PCDHGA10: variants seen among roughly 807,000 people sequenced by gnomAD.
PCDHGA10 encodes protocadherin gamma-A10.
PCDHGA10 carries 42 observed loss-of-function variants against 59.5 expected under a neutral mutation model. The ratio of observed to expected loss-of-function variants is 0.71; its 90% CI spans 0.55 to 0.91. The LOEUF is 0.91. Ranked by LOEUF, PCDHGA10 falls within the 40% of genes least tolerant of loss-of-function variation. The pLI, the probability that PCDHGA10 is intolerant of heterozygous loss-of-function variation, is 0.00. For missense variants in PCDHGA10, 1,111 were observed against 1,198.2 expected (o/e 0.93, Z 1.07); for synonymous variants, 511 against 517.2 (o/e 0.99, Z 0.16).
In PCDHGA10 at chr5:141,418,490, G is replaced by A. The variant is rs1473964718; in HGVS notation, c.2436+2879G>A. On this transcript the variant is annotated intron_variant, in intron 1 of 3. Coordinates refer to ENST00000398610, the MANE Select transcript of PCDHGA10 (RefSeq NM_018913.3). Reference sequence around the variant, plus strand: ...AGAAACGCAGAGCGCTCACCACTTGGTACTGACCGCCTTAGATGGTGGGGA... The same window carrying A: ...AGAAACGCAGAGCGCTCACCACTTGATACTGACCGCCTTAGATGGTGGGGA... 5.6e-6 allele frequency: 9 copies of A among 1,613,996 alleles called. No homozygotes were observed. In the East Asian group the frequency reaches 1.6e-4, roughly 28 times the overall value.
chr5:141,427,928 G>A (rs1178662640), intron 1 of PCDHGA10: 2 of 1,583,504 alleles, frequency 1.3e-6, no homozygotes. Flanking sequence ...GCCGGCGCAT[G>A]TTGGTGGGCG....
chr5:141,431,256 C>T lies in PCDHGA10; in HGVS notation c.2436+15645C>T. The stretch of plus-strand genomic sequence containing the variant: ...TGGGATCCGGATATCGGGAAGAACT[C>T]TCTGCAGAGCTACGAGCTCAGCCCG... On this transcript the variant is annotated intron_variant, in intron 1 of 3. Transcript: ENST00000398610. This position sits in a 1 kb window ranked among gnomAD's most constrained non-coding sequence, Gnocchi z 4.8. The T allele has an allele frequency of 6.2e-7, 1 of 1,614,194 alleles. No homozygotes were observed. Among genetic ancestry groups the T allele is most frequent in the South Asian group, 1.1e-5 (1 of 91,088 alleles).
At chr5:141,420,945 G>C in intron 1 of PCDHGA10, 1 of 396,520 alleles carries the variant, frequency 2.5e-6, no homozygotes, top group South Asian at 5.1e-5. Flanking sequence ...ATTTCTTCTG[G>C]AATTTCTTAG....
At position 141,476,290 on chromosome 5, in the gene PCDHGA10, C is replaced by T. The variant is rs768208156; in HGVS notation, c.2437-18517C>T. ...TGGTCGCGAACCTTGGTTTGGATCT[C>T]GGTAGCCTCTCAGCCCGCAGGTTCC... On this transcript the variant is annotated intron_variant, in intron 1 of 3. Coordinates refer to ENST00000398610, the MANE Select transcript of PCDHGA10 (RefSeq NM_018913.3). The surrounding 1 kb of genome is among the most constrained non-coding windows in gnomAD (Gnocchi z 7.6). 1.7e-5 allele frequency: 27 copies of T among 1,613,932 alleles called. No individual in the cohort carries two copies. Among genetic ancestry groups the T allele is most frequent in the Non-Finnish European group, 2.3e-5 (27 of 1,180,018 alleles).
chr5:141,480,946 G>A (rs1415705408), intron 1 of PCDHGA10, among the ~76,000 whole-genome samples: 1 of 152,172 alleles, frequency 6.6e-6, no homozygotes, highest in Non-Finnish European at 1.5e-5. Context: ...TCTAGAGGCT[G>A]AGGCGGAAGC....
Position 141,413,541 on chromosome 5 carries a change from G to A in PCDHGA10, c.366G>A (p.Gly122=). The change falls in exon 1 of 4, where the codon GGG becomes GGA. Residue 122 remains glycine (G), a synonymous_variant. Transcript: ENST00000398610. ...TGGAAGACAGGGTGAAACTTTTTGG[G>A]ATAGAAATAGAAGTAACTGATATCA... ...ILVEDRVKLF[G]IEIEVTDIND... 1 of 1,613,904 alleles carries A rather than the reference G, an allele frequency of 6.2e-7. No individual in the cohort carries two copies. Among genetic ancestry groups the A allele is most frequent in the Non-Finnish European group, 8.5e-7 (1 of 1,179,910 alleles).
chr5:141,422,172 C>A, intron 1 of PCDHGA10: 2 of 1,564,780 alleles, frequency 1.3e-6, no homozygotes, highest in Non-Finnish European at 1.7e-6. Context: ...AATATAGATT[C>A]TATGAGATGG....
At chr5:141,417,068 T>C (rs1433034146) in intron 1 of PCDHGA10, 1 of 152,154 alleles carries the variant, frequency 6.6e-6, no homozygotes, top group African/African-American at 2.4e-5. Context: ...ATTGTAGCTA[T>C]TGTGAGAAAA....
At chr5:141,418,629 C>T in intron 1 of PCDHGA10, 1 of 1,614,014 alleles carries the variant, frequency 6.2e-7, no homozygotes, top group Non-Finnish European at 8.5e-7. Context: ...GACGTGCCTC[C>T]AGGCACCTCC....
Position 141,432,224 on chromosome 5 carries a change from T to C in PCDHGA10, c.2436+16613T>C. On this transcript the variant is annotated intron_variant, in intron 1 of 3. Transcript: ENST00000398610. The surrounding 1 kb of genome is among the most constrained non-coding windows in gnomAD (Gnocchi z 6.0). The stretch of plus-strand genomic sequence containing the variant: ...CTGTGAAGAGAACGCCCAGATCACT[T>C]ATTCCCTGGCTGAGAACACCATCCA... 6.2e-7 allele frequency: 1 copy of C among 1,614,138 alleles called. No homozygotes were observed. Among genetic ancestry groups the C allele is most frequent in the Non-Finnish European group, 8.5e-7 (1 of 1,180,024 alleles).
chr5:141,482,288 C>G (rs1413786764), intron 1 of PCDHGA10, among the ~76,000 whole-genome samples: 1 of 152,078 alleles, frequency 6.6e-6, no homozygotes, highest in Non-Finnish European at 1.5e-5. Context: ...GTCTTTTAAT[C>G]TCTTTAAACT....
intron 1 of PCDHGA10, chr5:141,433,338 T>G (rs2097583623): frequency 3.1e-6 from 2 of 651,932 alleles, no homozygotes; most frequent in South Asian, 4.0e-5. Context: ...GGACTACAGG[T>G]GCAAGCCACC....
intron 1 of PCDHGA10, chr5:141,417,573 C>A: frequency 2.7e-6 from 1 of 377,070 alleles, no homozygotes; most frequent in Non-Finnish European, 4.7e-6. Flanking sequence ...AGTCAAGTTG[C>A]AGTCCCACAC....
chr5:141,427,896 C>G, intron 1 of PCDHGA10: 1 of 1,570,508 alleles, frequency 6.4e-7, no homozygotes, highest in East Asian at 2.2e-5. Context: ...CCAGGGCTCG[C>G]CCGCGCTCAG....
rs1213653891 is a variant in PCDHGA10 at position 141,419,687 on chromosome 5, C to T, written c.2436+4076C>T. 1.9e-6 allele frequency: 3 copies of T among 1,612,692 alleles called. No individual in the cohort carries two copies. In the African/African-American group the frequency reaches 4.0e-5, roughly 22 times the overall value. On this transcript the variant is annotated intron_variant, in intron 1 of 3. Transcript: ENST00000398610. ...TGCCTGGCTGTCCTACCACGTGGTG[C>T]AGGCCAGTGAGCCCGGGCTCTTCAG...
chr5:141,421,239 G>T (rs773410079), intron 1 of PCDHGA10: 5 of 1,599,000 alleles, frequency 3.1e-6, no homozygotes, highest in Middle Eastern at 3.3e-4. Flanking sequence ...TGGCGAATCG[G>T]CTACAGCGCG....
At position 141,489,049 on chromosome 5, in the gene PCDHGA10, T is replaced by G; in HGVS notation, c.2437-5758T>G. 2.1e-6 allele frequency: 1 copy of G among 477,660 alleles called. No homozygotes were observed. Among genetic ancestry groups the G allele is most frequent in the Non-Finnish European group, 3.7e-6 (1 of 272,910 alleles). 29.6% of individuals were successfully genotyped at this position (477,660 alleles called of 1,614,324 possible). On this transcript the variant is annotated intron_variant, in intron 1 of 3. Transcript: ENST00000398610. The surrounding 1 kb of genome is among the most constrained non-coding windows in gnomAD (Gnocchi z 4.5). ...CTCCAGCTCCCCAGCTCCACTCAAA[T>G]TCAGCTCCCCTCCCCCCTGCCCACC... is the stretch of plus-strand genomic sequence containing the variant.
At position 141,423,431 on chromosome 5, in the gene PCDHGA10, G is replaced by A. The variant is rs1220133197; in HGVS notation, c.2436+7820G>A. On this transcript the variant is annotated intron_variant, in intron 1 of 3. Coordinates refer to ENST00000398610, the MANE Select transcript of PCDHGA10 (RefSeq NM_018913.3). ...CAGGCTTCTGAAGGCGGGTTGGCAGGTATGCCCACGTCACATTTTGTAGGC... is the reference window on the plus strand; with the variant it reads ...CAGGCTTCTGAAGGCGGGTTGGCAGATATGCCCACGTCACATTTTGTAGGC... 3 of 1,613,892 alleles carry A rather than the reference G, an allele frequency of 1.9e-6. No homozygotes were observed. Among genetic ancestry groups the A allele is most frequent in the Admixed American group, 3.3e-5 (2 of 60,012 alleles).
At chr5:141,418,328 G>C in intron 1 of PCDHGA10, 1 of 1,614,002 alleles carries the variant, frequency 6.2e-7, no homozygotes. Flanking sequence ...TCTTGAGTCT[G>C]CAGAAGATCC....
Sources: allele counts gnomAD v4.1 joint callset (sites outside exome capture counted in the v4.1 genomes callset), GRCh38; gene constraint gnomAD v4.1.1; non-coding constraint Gnocchi (gnomAD v3.1); transcripts MANE v1.5; gene names NCBI Gene and HGNC (gene_info 2026-07-23, HGNC 2026-07-21).